The following SYN3 variants were observed in gnomAD, a reference collection of about 807,000 sequenced individuals.
SYN3 encodes the protein synapsin-3.
In SYN3, 35 loss-of-function variants were observed where a neutral mutation model predicts 65.8. The observed-to-expected ratio is 0.53, with a 90% CI of 0.41 to 0.70. The LOEUF is 0.70. Ranked by LOEUF, SYN3 falls within the 30% of genes least tolerant of loss-of-function variation. The pLI is 0.00. For synonymous variants in SYN3, 270 were observed against 292.9 expected, an observed-to-expected ratio of 0.92 and a Z score of 0.80; for missense variants, 680 against 749.0, an observed-to-expected ratio of 0.91 and a Z score of 1.08.
intron 6 of SYN3, among the ~76,000 whole-genome samples, chr22:32,596,969 A>G (rs1361730708): frequency 1.3e-5 from 2 of 152,196 alleles, no homozygotes; most frequent in South Asian, 2.1e-4. Flanking sequence ...GCACCCATCA[A>G]TCTGCAGAGA....
At chr22:32,797,934 C>A (rs1156624032) in intron 6 of SYN3, among the ~76,000 whole-genome samples, 1 of 152,238 alleles carries the variant, frequency 6.6e-6, no homozygotes, top group African/African-American at 2.4e-5. Flanking sequence ...CCTGGACAGG[C>A]AAAGTGACTT....
At position 32,541,912 on chromosome 22, in the gene SYN3, G is replaced by A. The variant is rs140806247; in HGVS notation, c.775-199C>T. 3.9e-3 allele frequency among the ~76,000 whole-genome samples: 597 copies of A among 152,270 alleles called. 1 individual carries two copies. Among genetic ancestry groups the A allele is most frequent in the Non-Finnish European group, 6.6e-3 (448 of 68,036 alleles). Reference sequence around the variant, plus strand: ...AGAGAGGAAGGGAGTGATTCTGCTTGGGTGGTCAAGAAAGCTTTACAGAGG... The same window carrying A: ...AGAGAGGAAGGGAGTGATTCTGCTTAGGTGGTCAAGAAAGCTTTACAGAGG... On this transcript the variant is annotated intron_variant, in intron 7 of 13. Transcript: ENST00000358763.
chr22:32,920,178 T>A (rs2050300178), intron 4 of SYN3, among the ~76,000 whole-genome samples: 1 of 152,190 alleles, frequency 6.6e-6, no homozygotes, highest in Admixed American at 6.5e-5. Flanking sequence ...GTGCCTATAA[T>A]TTAGTGTTGC....
chr22:32,755,006 A>G (rs1249379198), intron 6 of SYN3, among the ~76,000 whole-genome samples: 2 of 152,176 alleles, frequency 1.3e-5, no homozygotes, highest in Non-Finnish European at 2.9e-5. Flanking sequence ...TGTGAGACTC[A>G]GCACAACTCC....
At chr22:32,723,124 C>T (rs1167348824) in intron 6 of SYN3, among the ~76,000 whole-genome samples, 5 of 152,170 alleles carry the variant, frequency 3.3e-5, no homozygotes, top group African/African-American at 7.2e-5. Flanking sequence ...ACACCTACTG[C>T]GCCCTGCTCA....
chr22:33,007,259 A>AT (rs2145803163), intron 1 of SYN3, among the ~76,000 whole-genome samples: 1 of 152,386 alleles, frequency 6.6e-6, no homozygotes, highest in African/African-American at 2.4e-5. Context: ...ATGATTCAAA[A>AT]TTATAGGAAC....
chr22:32,670,715 C>T (rs912666131), intron 6 of SYN3, among the ~76,000 whole-genome samples: 2 of 152,198 alleles, frequency 1.3e-5, no homozygotes, highest in Non-Finnish European at 2.9e-5. Context: ...TTCCTAGAGA[C>T]CTATCAGTCA....
chr22:32,819,644 G>T (rs1420513961), intron 6 of SYN3, among the ~76,000 whole-genome samples: 1 of 152,126 alleles, frequency 6.6e-6, no homozygotes, highest in African/African-American at 2.4e-5. Context: ...GCATAGATCT[G>T]CCCTTCCCCC....
intron 3 of SYN3, among the ~76,000 whole-genome samples, chr22:32,945,861 G>A (rs1055983512): frequency 6.6e-6 from 1 of 151,914 alleles, no homozygotes; most frequent in Non-Finnish European, 1.5e-5. Context: ...ACCAAACAAG[G>A]CGATCAAAAA....
At chr22:32,719,611 G>A (rs1486191552) in intron 6 of SYN3, among the ~76,000 whole-genome samples, 2 of 152,198 alleles carry the variant, frequency 1.3e-5, no homozygotes, top group African/African-American at 4.8e-5. Flanking sequence ...GGGAGGCCAA[G>A]GTGGAAGGAT....
intron 12 of SYN3, among the ~76,000 whole-genome samples, chr22:32,522,709 C>A (rs368946659): frequency 8.5e-5 from 13 of 152,282 alleles, no homozygotes; most frequent in East Asian, 5.8e-4. Flanking sequence ...ACCTTCTACG[C>A]ACTATCTCTG....
Position 32,648,949 on chromosome 22 carries a change from G to T in SYN3, c.712-52213C>A, listed in dbSNP as rs34173195. Among the ~76,000 whole-genome samples the T allele has an allele frequency of 3.9e-5, 6 of 152,192 alleles. No homozygotes were observed. In the East Asian group the frequency reaches 7.7e-4, roughly 20 times the overall value. On this transcript the variant is annotated intron_variant, in intron 6 of 13. Transcript: ENST00000358763. ...GATGGGCACAAAGTAAAACAAAGAG[G>T]CCCCTGGATGTGAAGGAGTGTATGA...
chr22:32,643,096 T>A (rs1377543566), intron 6 of SYN3, among the ~76,000 whole-genome samples: 2 of 152,340 alleles, frequency 1.3e-5, no homozygotes, highest in East Asian at 3.9e-4. Flanking sequence ...TTTTGTTTTT[T>A]GAGATGGAAT....
chr22:33,008,082 AC>A (rs1026485557), intron 1 of SYN3, among the ~76,000 whole-genome samples: 1 of 152,030 alleles, frequency 6.6e-6, no homozygotes, highest in African/African-American at 2.4e-5. Flanking sequence ...GATTACAGGC[AC>A]CCACCACCAC....
Position 32,508,203 on chromosome 22 carries a change from C to G in SYN3, c.*5489G>C, listed in dbSNP as rs942490290. Among the ~76,000 whole-genome samples the G allele has an allele frequency of 6.6e-6, 1 of 152,144 alleles. No individual in the cohort carries two copies. Among genetic ancestry groups the G allele is most frequent in the Admixed American group, 6.5e-5 (1 of 15,276 alleles). On this transcript the variant is annotated 3_prime_UTR_variant, in exon 14 of 14. Transcript: ENST00000358763. ...CTGCCCCGCCTTAACTGATGACATT[C>G]CACCATTGTGATTTGTTCCTGCCCC... is the stretch of plus-strand genomic sequence containing the variant.
At chr22:32,672,143 T>C (rs1377558187) in intron 6 of SYN3, among the ~76,000 whole-genome samples, 1 of 152,174 alleles carries the variant, frequency 6.6e-6, no homozygotes, top group Non-Finnish European at 1.5e-5. Context: ...GGATGTGTCC[T>C]TTCACTAGTG....
At chr22:32,677,523 G>C (rs1012755023) in intron 6 of SYN3, among the ~76,000 whole-genome samples, 2 of 152,186 alleles carry the variant, frequency 1.3e-5, no homozygotes, top group Non-Finnish European at 2.9e-5. Flanking sequence ...GATTGACTGG[G>C]CGCGGTGGCT....
At chr22:33,039,532 T>C (rs528492350) in intron 1 of SYN3, among the ~76,000 whole-genome samples, 2 of 152,154 alleles carry the variant, frequency 1.3e-5, no homozygotes, top group Admixed American at 1.3e-4. Context: ...GTAGCTGTGA[T>C]TACAGGTGCC....
At chr22:32,708,069 C>G (rs933088761) in intron 6 of SYN3, among the ~76,000 whole-genome samples, 1 of 152,198 alleles carries the variant, frequency 6.6e-6, no homozygotes, top group African/African-American at 2.4e-5. Flanking sequence ...TCACATCTGA[C>G]AGTTGGATTA....
Sources: gnomAD v4.1 joint callset for allele counts (sites outside exome capture counted in the v4.1 genomes callset) on GRCh38, gnomAD v4.1.1 for gene constraint, MANE v1.5 for transcripts, NCBI Gene and HGNC (gene_info 2026-07-23, HGNC 2026-07-21) for gene names.